Variants in MTUS1 observed in about 807,000 individuals in gnomAD.
The protein encoded by MTUS1 is microtubule associated scaffold protein 1.
Under a neutral mutation model 120.8 loss-of-function variants are expected in MTUS1, and 109 were observed. The observed-to-expected ratio is 0.90, with a 90% CI of 0.77 to 1.06. The LOEUF (loss-of-function observed/expected upper bound fraction) is 1.06. MTUS1 is among the 50% of genes least tolerant of loss of function. The probability of loss-of-function intolerance (pLI) is 0.00; values close to 1 mark genes in which losing one functional copy is unlikely to be tolerated. For synonymous variants in MTUS1, 737 were observed against 550.5 expected (o/e 1.34, Z -4.74); for missense variants, 2,210 against 1,486.3 (o/e 1.49, Z -8.01).
At chr8:17,743,009 A>G (rs2047454332) in intron 3 of MTUS1, among the ~76,000 whole-genome samples, 1 of 151,438 alleles carries the variant, frequency 6.6e-6, no homozygotes, top group Admixed American at 6.6e-5. Flanking sequence ...ATTTCTTTGT[A>G]ACACAGATCT....
chr8:17,646,935 C>A, intron 14 of MTUS1, 47 bp downstream of exon 14: 1 of 1,426,478 alleles, frequency 7.0e-7, no homozygotes, highest in South Asian at 1.2e-5. Context: ...CACTGGATGT[C>A]CAAGGGAGCG....
chr8:17,769,421 C>T (rs1296322738), intron 1 of MTUS1, among the ~76,000 whole-genome samples: 5 of 149,418 alleles, frequency 3.3e-5, no homozygotes, highest in African/African-American at 5.0e-5. Context: ...GATCTCGGCT[C>T]ACTGCAAGCT....
intron 8 of MTUS1, among the ~76,000 whole-genome samples, chr8:17,657,294 C>G (rs537074296): frequency 6.6e-6 from 1 of 151,686 alleles, no homozygotes; most frequent in Non-Finnish European, 1.5e-5. Context: ...TGAGACCGGG[C>G]GCGGTGGCTC....
chr8:17,646,267 G>A, intron 14 of MTUS1, 128 bp from the exon 15 acceptor site: 1 of 1,052,020 alleles, frequency 9.5e-7, no homozygotes, highest in East Asian at 2.7e-5. Context: ...TCCTGCACAA[G>A]GTCACAGGTA....
chr8:17,756,335 T>C (rs868006960), intron 1 of MTUS1, among the ~76,000 whole-genome samples: 19 of 152,170 alleles, frequency 1.2e-4, no homozygotes, highest in South Asian at 2.1e-4. Flanking sequence ...AATTTGCTTA[T>C]GACAGTCCCA....
intron 6 of MTUS1, among the ~76,000 whole-genome samples, chr8:17,708,351 A>G (rs1820571385): frequency 6.6e-6 from 1 of 152,224 alleles, no homozygotes; most frequent in African/African-American, 2.4e-5. Flanking sequence ...ACGAAATGAC[A>G]CTCAATGTCA....
At chr8:17,720,352 A>AAAAAAAC (rs1333452073) in intron 4 of MTUS1, among the ~76,000 whole-genome samples, 2 of 152,042 alleles carry the variant, frequency 1.3e-5, no homozygotes, top group African/African-American at 2.4e-5. Flanking sequence ...TCTAAAAAAA[A>AAAAAAAC]AAAAAACAAA....
intron 1 of MTUS1, among the ~76,000 whole-genome samples, chr8:17,756,212 C>CT (rs1451729913): frequency 6.6e-6 from 1 of 152,178 alleles, no homozygotes; most frequent in African/African-American, 2.4e-5. Flanking sequence ...CTGTCCCTGA[C>CT]TTTATAACTG....
At chr8:17,708,113 C>A (rs1381846334) in intron 6 of MTUS1, among the ~76,000 whole-genome samples, 1 of 152,198 alleles carries the variant, frequency 6.6e-6, no homozygotes, top group Non-Finnish European at 1.5e-5. Flanking sequence ...ATAAAGTGGA[C>A]CTTGTCAAAA....
intron 8 of MTUS1, among the ~76,000 whole-genome samples, chr8:17,669,399 G>C (rs879044943): frequency 3.3e-5 from 5 of 152,132 alleles, no homozygotes; most frequent in Admixed American, 6.5e-5. Context: ...GCCGGGGCCT[G>C]GGAGGGGAAA....
intron 3 of MTUS1, among the ~76,000 whole-genome samples, chr8:17,729,334 C>T (rs1012144782): frequency 3.3e-5 from 5 of 152,176 alleles, no homozygotes; most frequent in Admixed American, 3.3e-4. Context: ...AATTCTCTCA[C>T]CAACACTAAA....
Position 17,751,162 on chromosome 8 carries a change from C to CA in MTUS1, c.2091+2554dup, listed in dbSNP as rs775032255. ...TGAAACCCCATCTCTAATAAAAATA[C>CA]AAAAAATTAGCCAGGCATGTGCACC... On this transcript the variant is annotated intron_variant, in intron 2 of 14. Transcript: ENST00000693296. Among the ~76,000 whole-genome samples the CA allele has an allele frequency of 5.4e-4, 82 of 152,234 alleles. 1 individual carries two copies. Among genetic ancestry groups the CA allele is most frequent in the Non-Finnish European group, 3.8e-4 (26 of 68,006 alleles).
chr8:17,742,674 C>T (rs1586095177), intron 3 of MTUS1, among the ~76,000 whole-genome samples: 1 of 152,034 alleles, frequency 6.6e-6, no homozygotes, highest in African/African-American at 2.4e-5. Flanking sequence ...ATAAACAGCC[C>T]GTAAAACATT....
intron 1 of MTUS1, among the ~76,000 whole-genome samples, chr8:17,787,526 C>T (rs908396218): frequency 6.6e-6 from 1 of 152,194 alleles, no homozygotes; most frequent in Non-Finnish European, 1.5e-5. Context: ...GTCTGCACAG[C>T]TATGGACCTT....
At chr8:17,708,677 A>C (rs1434529336) in intron 6 of MTUS1, 2 of 152,224 alleles carry the variant, frequency 1.3e-5, no homozygotes, top group Non-Finnish European at 2.9e-5. Context: ...CCAGAAACTT[A>C]AAAGGAAATA....
At chr8:17,717,944 A>C (rs1822653175) in intron 4 of MTUS1, among the ~76,000 whole-genome samples, 1 of 152,230 alleles carries the variant, frequency 6.6e-6, no homozygotes, top group South Asian at 2.1e-4. Flanking sequence ...ATGCATTTAT[A>C]TTTTATACAT....
At chr8:17,749,522 G>A (rs191808280) in intron 2 of MTUS1, among the ~76,000 whole-genome samples, 3 of 152,022 alleles carry the variant, frequency 2.0e-5, no homozygotes, top group African/African-American at 7.2e-5. Context: ...TTAGCTGGGT[G>A]TGGTGGTCCT....
chr8:17,713,487 T>C (rs912014080), intron 5 of MTUS1, among the ~76,000 whole-genome samples: 3 of 152,008 alleles, frequency 2.0e-5, no homozygotes, highest in African/African-American at 7.3e-5. Flanking sequence ...ACAAATTAAA[T>C]AGGACCAGTT....
chr8:17,663,022 A>C (rs1186517925), intron 8 of MTUS1, among the ~76,000 whole-genome samples: 1 of 151,958 alleles, frequency 6.6e-6, no homozygotes, highest in Non-Finnish European at 1.5e-5. Flanking sequence ...TAGGCCAGTG[A>C]CCCTCCCTGA....
Sources: allele counts gnomAD v4.1 joint callset (sites outside exome capture counted in the v4.1 genomes callset), GRCh38; gene constraint gnomAD v4.1.1; transcripts MANE v1.5; gene names NCBI Gene and HGNC (gene_info 2026-07-23, HGNC 2026-07-21).